TRAK2: variants seen among roughly 807,000 people sequenced by gnomAD.
TRAK2 encodes the protein trafficking kinesin protein 2, also known as trafficking kinesin-binding protein 2.
Under a neutral mutation model 104.6 loss-of-function variants are expected in TRAK2, and 81 were observed. The ratio of observed to expected loss-of-function variants is 0.77; its 90% confidence interval spans 0.65 to 0.93. The LOEUF (loss-of-function observed/expected upper bound fraction) is 0.93. Among genes scored for constraint, TRAK2 ranks in the 40% least tolerant of loss-of-function variants. The pLI is 0.00. For synonymous variants in TRAK2, 406 were observed against 394.4 expected, an observed-to-expected ratio of 1.03 and a Z score of -0.35; for missense variants, 1,002 against 1,089.0, an observed-to-expected ratio of 0.92 and a Z score of 1.12.
chr2:201,422,425 C>G (rs1411022874), intron 1 of TRAK2, among the ~76,000 whole-genome samples: 1 of 152,146 alleles, frequency 6.6e-6, no homozygotes. Flanking sequence ...ACAGTCTCTG[C>G]TTGGCAACTT....
At chr2:201,390,509 A>G (rs1406511448) in intron 10 of TRAK2, among the ~76,000 whole-genome samples, 1 of 146,602 alleles carries the variant, frequency 6.8e-6, no homozygotes, top group African/African-American at 2.5e-5. Context: ...GCTTTCAGTG[A>G]GCTGAGATCG....
chr2:201,443,939 G>A (rs1237881502), intron 1 of TRAK2, among the ~76,000 whole-genome samples: 1 of 152,106 alleles, frequency 6.6e-6, no homozygotes, highest in African/African-American at 2.4e-5. Context: ...AGTGGCTCAC[G>A]CCTGTAATCC....
chr2:201,437,118 G>A (rs751921443), intron 1 of TRAK2, among the ~76,000 whole-genome samples: 20 of 152,142 alleles, frequency 1.3e-4, no homozygotes, highest in African/African-American at 7.2e-5. Flanking sequence ...TGCAATAGAC[G>A]CCTTTGGTTT....
intron 2 of TRAK2, chr2:201,413,384 C>T (rs1951665083): frequency 7.8e-6 from 5 of 641,654 alleles, no homozygotes; most frequent in Middle Eastern, 4.4e-4. Context: ...TCTTTTTCCC[C>T]ACCCCCCTAA....
intron 10 of TRAK2, 129 bp downstream of exon 10, chr2:201,392,780 T>C: frequency 2.3e-6 from 2 of 851,358 alleles, no homozygotes; most frequent in Non-Finnish European, 3.5e-6. Context: ...AATCAATAAT[T>C]GGAGTCCAGA....
At position 201,380,577 on chromosome 2, in the gene TRAK2, G is replaced by A. The variant is rs749213012; in HGVS notation, c.2711C>T (p.Ser904Phe). 13 of 1,613,794 alleles carry A rather than the reference G, an allele frequency of 8.1e-6. No individual in the cohort carries two copies. In the African/African-American group the frequency reaches 1.7e-4, roughly 22 times the overall value. ...CTTCAGGACACCCATTTTGGGTGAGGATGTGCAAACTGGGGCAGCAAAGCT... is the reference window on the plus strand; with the variant it reads ...CTTCAGGACACCCATTTTGGGTGAGAATGTGCAAACTGGGGCAGCAAAGCT... ...MGSFAAPVCT[S>F]SPKMGVLKED The change falls in exon 16 of 16, where the codon TCC becomes TTC. Residue 904 changes from serine (S) to phenylalanine (F), a missense_variant. Physicochemically the swap from Ser to Phe is radical, Grantham distance 155. Coordinates refer to ENST00000332624, the MANE Select transcript of TRAK2 (RefSeq NM_015049.3).
intron 2 of TRAK2, among the ~76,000 whole-genome samples, chr2:201,408,392 G>A (rs891042694): frequency 6.6e-6 from 1 of 151,924 alleles, no homozygotes; most frequent in Non-Finnish European, 1.5e-5. Context: ...CTCATGTCAC[G>A]GGGGTTTGGT....
intron 1 of TRAK2, among the ~76,000 whole-genome samples, chr2:201,446,136 C>T (rs1225224895): frequency 2.6e-5 from 4 of 152,048 alleles, no homozygotes; most frequent in African/African-American, 4.8e-5. Flanking sequence ...TTCTCTTGCC[C>T]CTCACTCCCC....
intron 10 of TRAK2, among the ~76,000 whole-genome samples, chr2:201,390,868 C>T (rs1250806124): frequency 6.6e-6 from 1 of 151,510 alleles, no homozygotes; most frequent in Non-Finnish European, 1.5e-5. Flanking sequence ...GGGGTGAGGA[C>T]TCAACTAATA....
At chr2:201,421,787 G>A (rs1020263328) in intron 1 of TRAK2, among the ~76,000 whole-genome samples, 9 of 152,032 alleles carry the variant, frequency 5.9e-5, no homozygotes, top group Non-Finnish European at 1.2e-4. Flanking sequence ...GGTGACTCAC[G>A]CCTGTAATCT....
chr2:201,412,602 G>A (rs1290363135), intron 2 of TRAK2: 4 of 1,502,992 alleles, frequency 2.7e-6, no homozygotes, highest in Non-Finnish European at 3.7e-6. Flanking sequence ...CATAAAGTAT[G>A]TATTCAGGAG....
rs116110016 is a variant in TRAK2, at chr2:201,383,436, T to C, written c.2069+675A>G. On this transcript the variant is annotated intron_variant, in intron 15 of 15. Coordinates refer to ENST00000332624, the MANE Select transcript of TRAK2 (RefSeq NM_015049.3). ...GCCAGAAGACTGAGTTCAACTCTGTTGAACTGAGTTCAATCAATCATACCT... is the reference window on the plus strand; with the variant it reads ...GCCAGAAGACTGAGTTCAACTCTGTCGAACTGAGTTCAATCAATCATACCT... Among the ~76,000 whole-genome samples, 474 of 152,320 alleles carry C rather than the reference T, an allele frequency of 3.1e-3. 3 individuals are homozygous for C. The highest frequency in any genetic ancestry group is 0.011 in the African/African-American group (449 of 41,572).
rs1951338864 is a variant in TRAK2 at position 201,381,038 on chromosome 2, G to A, written c.2250C>T (p.Ile750=). The part of the protein sequence containing the change: ...SLAKLLQERG[I]SAKVYHSPIS... ...TTGGGCTGTGGTACACTTTGGCAGA[G>A]ATGCCTCGCTCTTGTAGAAGTTTGG... Residue 750 remains isoleucine (I), a synonymous_variant, in exon 16 of 16, where the codon ATC becomes ATT. Transcript: ENST00000332624. 6.2e-7 allele frequency: 1 copy of A among 1,614,130 alleles called. No individual in the cohort carries two copies. Among genetic ancestry groups the A allele is most frequent in the Admixed American group, 1.7e-5 (1 of 60,006 alleles).
At chr2:201,411,081 G>A in intron 2 of TRAK2, 1 of 1,147,066 alleles carries the variant, frequency 8.7e-7, no homozygotes, top group Admixed American at 1.8e-5. Flanking sequence ...AATGCCCATG[G>A]AAGGAACAGA....
At chr2:201,383,342 G>T (rs1951359890) in intron 15 of TRAK2, among the ~76,000 whole-genome samples, 1 of 152,292 alleles carries the variant, frequency 6.6e-6, no homozygotes, top group Admixed American at 6.5e-5. Context: ...TTAGGGTGAG[G>T]AATGGCCATG....
chr2:201,451,131 C>T (rs888430403), intron 1 of TRAK2, among the ~76,000 whole-genome samples: 3 of 152,198 alleles, frequency 2.0e-5, no homozygotes, highest in Admixed American at 1.3e-4. Flanking sequence ...GGCTGAATAC[C>T]GACGCCAGCG....
At chr2:201,433,381 T>G (rs1371479962) in intron 1 of TRAK2, 1 of 152,226 alleles carries the variant, frequency 6.6e-6, no homozygotes, top group Non-Finnish European at 1.5e-5. Flanking sequence ...CAGCAAATAT[T>G]TTGTCCCTCT....
intron 13 of TRAK2, among the ~76,000 whole-genome samples, chr2:201,387,410 G>A (rs1951401270): frequency 1.3e-5 from 2 of 152,118 alleles, no homozygotes; most frequent in Admixed American, 6.5e-5. Context: ...GGAAACTGCT[G>A]TCAATGATAT....
chr2:201,382,477 C>A (rs561793663), intron 15 of TRAK2, among the ~76,000 whole-genome samples: 1 of 149,472 alleles, frequency 6.7e-6, no homozygotes, highest in African/African-American at 2.4e-5. Flanking sequence ...AACTAAAAGC[C>A]TCTGATATGG....
Sources: gnomAD v4.1 joint callset for allele counts (sites outside exome capture counted in the v4.1 genomes callset) on GRCh38, gnomAD v4.1.1 for gene constraint, MANE v1.5 for transcripts, NCBI Gene and HGNC (gene_info 2026-07-23, HGNC 2026-07-21) for gene names.